Variants in FGF22 observed in about 807,000 individuals in gnomAD.
The protein encoded by FGF22 is fibroblast growth factor 22, also known as FGF-22.
In FGF22, 11 loss-of-function variants were observed where a neutral mutation model predicts 10.3. The observed-to-expected ratio is 1.07, with a 90% CI of 0.67 to 1.77. The LOEUF (loss-of-function observed/expected upper bound fraction) is 1.77. Among genes scored for constraint, FGF22 ranks in the 40% most tolerant of loss-of-function variants. The pLI is 0.00. For missense variants in FGF22, 317 were observed against 273.2 expected (o/e 1.16, Z -1.13); for synonymous variants, 136 against 122.1 (o/e 1.11, Z -0.75).
chr19:641,148 A>G (rs1165873517), intron 1 of FGF22: 1 of 456,396 alleles, frequency 2.2e-6, no homozygotes, highest in Admixed American at 2.3e-5. Flanking sequence ...CTGGTCACTA[A>G]TCGGGCACCT....
Position 643,222 on chromosome 19 carries a change from C to T in FGF22, c.215-13C>T. On this transcript the variant is annotated splice_polypyrimidine_tract_variant and intron_variant, in intron 1 of 2. Coordinates refer to ENST00000215530, the Ensembl canonical transcript of FGF22. ...GAGCCAGCAAGGCCCTCCCCGACCC[C>T]CGCCTCCCCCAGGCATCCTGGAGAT... The T allele has an allele frequency of 3.8e-6, 6 of 1,597,190 alleles. No individual in the cohort carries two copies. The highest frequency in any genetic ancestry group is 5.1e-6 in the Non-Finnish European group (6 of 1,169,490).
chr19:640,534 C>G (rs1486279702), intron 1 of FGF22: 4 of 167,342 alleles, frequency 2.4e-5, no homozygotes, highest in African/African-American at 9.5e-5. Context: ...GGGGCCCCCT[C>G]TGCTTCTTCC....
intron 1 of FGF22, chr19:641,441 G>T: frequency 2.8e-6 from 1 of 359,630 alleles, no homozygotes; most frequent in South Asian, 2.0e-5. Flanking sequence ...CGGGTGTGGT[G>T]GCGGGCGCCT....
At chr19:639,923 G>A in exon 1 of FGF22, 1 of 1,221,748 alleles carries the variant, frequency 8.2e-7, no homozygotes, top group Non-Finnish European at 1.0e-6. Flanking sequence ...CGGGTGCCGG[G>A]TCATGCGCCG....
At chr19:643,606 GC>G in exon 3 of FGF22, 1 of 1,514,892 alleles carries the variant, frequency 6.6e-7, no homozygotes, top group African/African-American at 1.4e-5. Flanking sequence ...GTCTCCTGAG[GC>G]CCTGAGAGGC....
chr19:640,946 G>A, intron 1 of FGF22: 1 of 341,812 alleles, frequency 2.9e-6, no homozygotes, highest in Non-Finnish European at 5.9e-6. Flanking sequence ...GACGAGGGCG[G>A]ACAGGGGACT....
chr19:640,274 G>A (rs1985859144), intron 1 of FGF22, 135 bp downstream of exon 1: 2 of 523,598 alleles, frequency 3.8e-6, no homozygotes, highest in South Asian at 8.1e-5. Context: ...CAGTTTCCGT[G>A]GTCTGTGAGA....
At chr19:641,010 G>C (rs144191537) in intron 1 of FGF22, 9 of 366,430 alleles carry the variant, frequency 2.5e-5, no homozygotes, top group South Asian at 1.7e-4. Flanking sequence ...GCCTCGGGCC[G>C]GGGCAGAGGC....
rs760964028 is a variant in FGF22 at position 643,527 on chromosome 19, A to AG, written c.444dup (p.Pro149AlafsTer26). 2.5e-5 allele frequency: 40 copies of AG among 1,600,892 alleles called. No homozygotes were observed. The highest frequency in any genetic ancestry group is 1.3e-4 in the East Asian group (6 of 44,608). The stretch of plus-strand genomic sequence containing the variant: ...GCCCATGTTCCTGGCGCTGGACAGG[A>AG]GGGGGGGGCCCCGGCCAGGCGGCCG... On this transcript the variant is annotated frameshift_variant, in exon 3 of 3. Coordinates refer to ENST00000215530, the Ensembl canonical transcript of FGF22. LOFTEE classifies it low-confidence loss of function (END_TRUNC).
At chr19:643,472 C>T (rs751825478) in exon 3 of FGF22, 44 of 1,611,294 alleles carry the variant, frequency 2.7e-5, no homozygotes, top group South Asian at 9.9e-5. Context: ...ACAACACCTA[C>T]GCCTCACAGC....
Position 643,596 on chromosome 19 carries a change from G to C in FGF22, c.505G>C (p.Val169Leu), listed in dbSNP as rs778052684. The C allele has an allele frequency of 4.5e-6, 7 of 1,539,454 alleles. 1 individual carries two copies. The highest frequency in any genetic ancestry group is 2.0e-5 in the Admixed American group (1 of 50,230). ...GTCCGCCCACTTCCTGCCCGTCCTGGTCTCCTGAGGCCCTGAGAGGCCGGC... is the reference window on the plus strand; with the variant it reads ...GTCCGCCCACTTCCTGCCCGTCCTGCTCTCCTGAGGCCCTGAGAGGCCGGC... The change falls in exon 3 of 3, where the codon GTC becomes CTC. Residue 169 changes from valine to leucine, a missense_variant. Transcript: ENST00000215530.
At chr19:641,812 G>A (rs916303435) in intron 1 of FGF22, among the ~76,000 whole-genome samples, 1 of 152,112 alleles carries the variant, frequency 6.6e-6, no homozygotes, top group Admixed American at 6.6e-5. Flanking sequence ...CTTTGACAGG[G>A]AGCTGGCCGG....
intron 1 of FGF22, chr19:641,686 A>C (rs551011091): frequency 5.1e-6 from 1 of 196,260 alleles, no homozygotes; most frequent in South Asian, 8.5e-5. Flanking sequence ...GGGGAGGTGC[A>C]GGGCGAGGAA....
At chr19:640,326 G>T (rs1985860622) in intron 1 of FGF22, 187 bp downstream of exon 1, 2 of 399,328 alleles carry the variant, frequency 5.0e-6, no homozygotes, top group Admixed American at 9.1e-5. Flanking sequence ...CTGTTAAAGC[G>T]AAGGCTGCAG....
rs756889441 is a variant in FGF22 at position 641,150 on chromosome 19, C to A, written c.214+1011C>A. 324 of 456,216 alleles carry A rather than the reference C, an allele frequency of 7.1e-4. 2 individuals carry two copies. Among genetic ancestry groups the A allele is most frequent in the Non-Finnish European group, 1.1e-4 (25 of 226,822 alleles). 28.3% of individuals were successfully genotyped at this position (456,216 alleles called of 1,614,324 possible). A position where few individuals can be genotyped will look rare whatever the true frequency, so the allele number is the denominator to read the frequency against. ...CTTCGTGCATTCGCTGGTCACTAAT[C>A]GGGCACCTTGTGGGTGCTGTGCTCC... On this transcript the variant is annotated intron_variant, in intron 1 of 2. Transcript: ENST00000215530.
chr19:643,314 C>G (rs752087141), exon 2 of FGF22: 1 of 1,610,152 alleles, frequency 6.2e-7, no homozygotes, highest in South Asian at 1.1e-5. Context: ...TGGCCATGAA[C>G]CGCCGGGGCC....
intron 1 of FGF22, among the ~76,000 whole-genome samples, chr19:641,808 C>T (rs991007929): frequency 2.6e-5 from 4 of 152,040 alleles, no homozygotes; most frequent in Non-Finnish European, 4.4e-5. Context: ...TTCACTTTGA[C>T]AGGGAGCTGG....
chr19:643,402 G>C lies in FGF22; in HGVS notation c.319-8G>C. On this transcript the variant is annotated splice_polypyrimidine_tract_variant and splice_region_variant and intron_variant, in intron 2 of 2. Transcript: ENST00000215530. ...GGGAGGGTGGGCCGGCCTCACCCCC[G>C]CCCGCAGCGACTCTACACCGTGGAC... is the stretch of plus-strand genomic sequence containing the variant. 1 of 1,605,942 alleles carries C rather than the reference G, an allele frequency of 6.2e-7. No individual in the cohort carries two copies.
intron 1 of FGF22, chr19:641,498 C>G: frequency 3.1e-6 from 1 of 321,322 alleles, no homozygotes; most frequent in Non-Finnish European, 6.3e-6. Context: ...TGACGTGAAG[C>G]CGGGAGGTGG....
Sources: gnomAD v4.1 joint callset for allele counts (sites outside exome capture counted in the v4.1 genomes callset) on GRCh38, gnomAD v4.1.1 for gene constraint, MANE v1.5 for transcripts, NCBI Gene and HGNC (gene_info 2026-07-23, HGNC 2026-07-21) for gene names.